ZNF865: variants seen among roughly 807,000 people sequenced by gnomAD.
ZNF865 encodes the protein zinc finger protein 865.
For synonymous variants in ZNF865, 763 were observed against 750.8 expected (o/e 1.02, Z -0.27); for missense variants, 1,311 against 1,593.4 (o/e 0.82, Z 3.02).
chr19:55,614,970 C>G lies in ZNF865; in HGVS notation c.1352C>G (p.Ser451Trp), dbSNP rs1298191435. 1 of 1,446,686 alleles carries G rather than the reference C, an allele frequency of 6.9e-7. No homozygotes were observed. The highest frequency in any genetic ancestry group is 2.9e-5 in the East Asian group (1 of 35,042). The allele number at this position is 1,446,686 out of a possible 1,614,324, so 89.6% of individuals were successfully genotyped here. Reference protein sequence around the residue: ...YPCDLCGKSYSAPQSLLRHKA... With the variant: ...YPCDLCGKSYWAPQSLLRHKA... ...TGCGACCTGTGCGGCAAGTCCTACT[C>G]GGCTCCGCAGAGCCTGCTCCGCCAC... Residue 451 changes from serine (S) to tryptophan (W), a missense_variant, in exon 2 of 2, where the codon TCG becomes TGG. By Grantham distance (177) the Ser-to-Trp change is radical. Transcript: ENST00000568956. This position sits in a 1 kb window ranked among gnomAD's most constrained non-coding sequence, Gnocchi z 8.0.
chr19:55,606,360 C>CG (rs1435422240), intron 1 of ZNF865, among the ~76,000 whole-genome samples: 1 of 152,174 alleles, frequency 6.6e-6, no homozygotes, highest in Non-Finnish European at 1.5e-5. Flanking sequence ...AAAGCCACCC[C>CG]CCCATCGCAG....
chr19:55,615,899 G>A lies in ZNF865; in HGVS notation c.2281G>A (p.Val761Met). ...NGLAGEVGAAVAALAGVSGGE... is the reference protein window; with the variant it reads ...NGLAGEVGAAMAALAGVSGGE... ...GCTGGCGGGGGAGGTGGGGGCGGCC[G>A]TGGCGGCACTGGCAGGGGTGTCTGG... Residue 761 changes from valine (V) to methionine (M), a missense_variant, in exon 2 of 2, where the codon GTG becomes ATG. By Grantham distance (21) the Val-to-Met change is conservative (BLOSUM62 1). Coordinates refer to ENST00000568956, the MANE Select transcript of ZNF865 (RefSeq NM_001195605.2). 3.4e-6 allele frequency: 5 copies of A among 1,474,792 alleles called. No homozygotes were observed. Among genetic ancestry groups the A allele is most frequent in the Non-Finnish European group, 4.5e-6 (5 of 1,120,770 alleles). The allele number at this position is 1,474,792 out of a possible 1,614,324, so 91.4% of individuals were successfully genotyped here.
At chr19:55,608,417 T>C (rs568775076) in intron 1 of ZNF865, among the ~76,000 whole-genome samples, 3 of 149,608 alleles carry the variant, frequency 2.0e-5, no homozygotes, top group Non-Finnish European at 3.0e-5. Flanking sequence ...CGGGTTCAAG[T>C]GATTCTCCTG....
rs1477188050 is a variant in ZNF865, at chr19:55,615,522, C to T, written c.1904C>T (p.Ala635Val). ...RQVHRLQLPC[A>V]LAGAAGLPST... ...GTGCACCGGCTCCAGCTGCCCTGCG[C>T]CCTGGCCGGGGCAGCCGGCCTCCCC... Residue 635 changes from alanine (A) to valine (V), a missense_variant, in exon 2 of 2, where the codon GCC becomes GTC. By Grantham distance (64) the Ala-to-Val change is moderately conservative. Transcript: ENST00000568956. 1.3e-6 allele frequency: 2 copies of T among 1,507,974 alleles called. No individual in the cohort carries two copies. Among genetic ancestry groups the T allele is most frequent in the Non-Finnish European group, 1.8e-6 (2 of 1,134,226 alleles). 93.4% of individuals were successfully genotyped at this position (1,507,974 alleles called of 1,614,324 possible). A position where few individuals can be genotyped will look rare whatever the true frequency, so the allele number is the denominator to read the frequency against.
At position 55,616,040 on chromosome 19, in the gene ZNF865, G is replaced by C; in HGVS notation, c.2422G>C (p.Val808Leu). 6.6e-7 allele frequency: 1 copy of C among 1,524,752 alleles called. No individual in the cohort carries two copies. The highest frequency in any genetic ancestry group is 8.8e-7 in the Non-Finnish European group (1 of 1,141,820). The allele number at this position is 1,524,752 out of a possible 1,614,324, so 94.5% of individuals were successfully genotyped here. A position where few individuals can be genotyped will look rare whatever the true frequency, so the allele number is the denominator to read the frequency against. The part of the protein sequence containing the change: ...GQSFKHFLGL[V>L]THKYVHLVRR... ...GAGTTTCAAGCACTTCCTGGGCCTC[G>C]TGACTCACAAGTACGTGCACCTGGT... is the stretch of plus-strand genomic sequence containing the variant. Residue 808 changes from valine to leucine, a missense_variant, in exon 2 of 2, where the codon GTG becomes CTG. Coordinates refer to ENST00000568956, the MANE Select transcript of ZNF865 (RefSeq NM_001195605.2).
Position 55,615,847 on chromosome 19 carries a change from G to A in ZNF865, c.2229G>A (p.Thr743=). Residue 743 remains threonine, a synonymous_variant, in exon 2 of 2, where the codon ACG becomes ACA. Coordinates refer to ENST00000568956, the MANE Select transcript of ZNF865 (RefSeq NM_001195605.2). The part of the protein sequence containing the change: ...GLQPPDGSSG[T]DAASVLDNGL... The stretch of plus-strand genomic sequence containing the variant: ...AGCCCCCGGACGGCTCCAGCGGCAC[G>A]GATGCGGCCAGCGTGCTGGACAACG... The A allele has an allele frequency of 6.7e-7, 1 of 1,496,400 alleles. No homozygotes were observed. The highest frequency in any genetic ancestry group is 8.8e-7 in the Non-Finnish European group (1 of 1,130,386). 92.7% of individuals were successfully genotyped at this position (1,496,400 alleles called of 1,614,324 possible). A position where few individuals can be genotyped will look rare whatever the true frequency, so the allele number is the denominator to read the frequency against.
Position 55,614,227 on chromosome 19 carries a change from C to T in ZNF865, c.609C>T (p.Cys203=), listed in dbSNP as rs1220928798. Residue 203 remains cysteine, a synonymous_variant, in exon 2 of 2, where the codon TGC becomes TGT. Transcript: ENST00000568956. This position sits in a 1 kb window ranked among gnomAD's most constrained non-coding sequence, Gnocchi z 8.0. Reference sequence around the variant, plus strand: ...CAGGACCCCCCGCGGCGGCGGCCTGCGACCCCACCAAGGACGACAAGGGCT... The same window carrying T: ...CAGGACCCCCCGCGGCGGCGGCCTGTGACCCCACCAAGGACGACAAGGGCT... ...TPPGPPAAAA[C]DPTKDDKGYF... is the part of the protein sequence containing the mutation. 9.3e-6 allele frequency: 14 copies of T among 1,509,312 alleles called. No individual in the cohort carries two copies. Among genetic ancestry groups the T allele is most frequent in the South Asian group, 3.7e-5 (3 of 81,522 alleles). The allele number at this position is 1,509,312 out of a possible 1,614,324, so 93.5% of individuals were successfully genotyped here.
At position 55,616,522 on chromosome 19, in the gene ZNF865, C is replaced by T. The variant is rs985490269; in HGVS notation, c.2904C>T (p.Gly968=). The change falls in exon 2 of 2, where the codon GGC becomes GGT. Residue 968 remains glycine (G), a synonymous_variant. Coordinates refer to ENST00000568956, the MANE Select transcript of ZNF865 (RefSeq NM_001195605.2). ...ACCGCTGTGAGCACTGCGGCAAGGG[C>T]TTCTTCTACCTGAGCTCCGTGCTGC... ...RAYRCEHCGK[G]FFYLSSVLRH... 2.0e-6 allele frequency: 3 copies of T among 1,534,612 alleles called. No homozygotes were observed. The highest frequency in any genetic ancestry group is 2.0e-5 in the Admixed American group (1 of 50,926).
chr19:55,615,804 C>T lies in ZNF865; in HGVS notation c.2186C>T (p.Pro729Leu), dbSNP rs1466207474. 7 of 1,511,822 alleles carry T rather than the reference C, an allele frequency of 4.6e-6. No individual in the cohort carries two copies. Among genetic ancestry groups the T allele is most frequent in the Non-Finnish European group, 4.4e-6 (5 of 1,136,170 alleles). The allele number at this position is 1,511,822 out of a possible 1,614,324, so 93.7% of individuals were successfully genotyped here. Residue 729 changes from proline to leucine, a missense_variant, in exon 2 of 2, where the codon CCC (proline) becomes CTC (leucine). Physicochemically the swap from Pro to Leu is moderately conservative, Grantham distance 98 (BLOSUM62 -3). Coordinates refer to ENST00000568956, the MANE Select transcript of ZNF865 (RefSeq NM_001195605.2). Reference sequence around the variant, plus strand: ...GCCGCCCCCGAGCGCCTGCTCCCGCCCGCACCCGGCGGCCTGCAGCCCCCG... The same window carrying T: ...GCCGCCCCCGAGCGCCTGCTCCCGCTCGCACCCGGCGGCCTGCAGCCCCCG... Reference protein sequence around the residue: ...HQAAPERLLPPAPGGLQPPDG... With the variant: ...HQAAPERLLPLAPGGLQPPDG...
Position 55,615,217 on chromosome 19 carries a change from G to A in ZNF865, c.1599G>A (p.Ala533=), listed in dbSNP as rs1981308773. Residue 533 remains alanine (A), a synonymous_variant, in exon 2 of 2, where the codon GCG becomes GCA. Transcript: ENST00000568956. Reference sequence around the variant, plus strand: ...CCCACCCGCTGCTGCTCGGCGGCGCGGGGACCAGCGGGGCGGGAGGCTCGG... The same window carrying A: ...CCCACCCGCTGCTGCTCGGCGGCGCAGGGACCAGCGGGGCGGGAGGCTCGG... ...LGAHPLLLGG[A]GTSGAGGSGA... 2.7e-6 allele frequency: 4 copies of A among 1,476,516 alleles called. No individual in the cohort carries two copies. Among genetic ancestry groups the A allele is most frequent in the Non-Finnish European group, 3.6e-6 (4 of 1,123,500 alleles). The allele number at this position is 1,476,516 out of a possible 1,614,324, so 91.5% of individuals were successfully genotyped here.
At position 55,611,007 on chromosome 19, in the gene ZNF865, A is replaced by G. The variant is rs1422310897; in HGVS notation, c.-26-2586A>G. Among the ~76,000 whole-genome samples the G allele has an allele frequency of 6.6e-6, 1 of 152,152 alleles. No individual in the cohort carries two copies. The highest frequency in any genetic ancestry group is 2.4e-5 in the African/African-American group (1 of 41,426). On this transcript the variant is annotated intron_variant, in intron 1 of 1. Transcript: ENST00000568956. The surrounding 1 kb of genome is among the most constrained non-coding windows in gnomAD (Gnocchi z 4.5). Reference sequence around the variant, plus strand: ...CCCTAAATAAAGCTCTTATCCTGATAGTTCTCCCCTCACCTTTGTTCACTC... The same window carrying G: ...CCCTAAATAAAGCTCTTATCCTGATGGTTCTCCCCTCACCTTTGTTCACTC...
At position 55,616,528 on chromosome 19, in the gene ZNF865, C is replaced by T. The variant is rs1408812122; in HGVS notation, c.2910C>T (p.Phe970=). 1 of 1,534,442 alleles carries T rather than the reference C, an allele frequency of 6.5e-7. No homozygotes were observed. Among genetic ancestry groups the T allele is most frequent in the East Asian group, 2.4e-5 (1 of 40,842 alleles). ...GTGAGCACTGCGGCAAGGGCTTCTT[C>T]TACCTGAGCTCCGTGCTGCGCCACC... ...YRCEHCGKGF[F]YLSSVLRHQR... The change falls in exon 2 of 2, where the codon TTC becomes TTT. Residue 970 remains phenylalanine, a synonymous_variant. Transcript: ENST00000568956.
rs74656875 is a variant in ZNF865, at chr19:55,609,978, C to A, written c.-26-3615C>A. ...ACCACTGATGTATCCCCTTCAGCAT[C>A]TCCACACCCTGCCCTCAGTGCCCTC... On this transcript the variant is annotated intron_variant, in intron 1 of 1. Transcript: ENST00000568956. Among the ~76,000 whole-genome samples the A allele has an allele frequency of 5.8e-3, 877 of 152,330 alleles. 9 individuals are homozygous for A. Among genetic ancestry groups the A allele is most frequent in the African/African-American group, 0.019 (799 of 41,570 alleles).
Position 55,614,920 on chromosome 19 carries a change from CG to C in ZNF865, c.1308del (p.Pro437LeufsTer129). On this transcript the variant is annotated frameshift_variant, in exon 2 of 2. Coordinates refer to ENST00000568956, the MANE Select transcript of ZNF865 (RefSeq NM_001195605.2). LOFTEE classifies it low-confidence loss of function (END_TRUNC). This position sits in a 1 kb window ranked among gnomAD's most constrained non-coding sequence, Gnocchi z 8.0. ...HQAAHAGAGA[G>X]GPRPVYPCDL... ...AGGCGGCCCACGCGGGGGCGGGCGC[CG>C]GGGGGCCTCGGCCCGTGTACCCCTG... 2.0e-6 allele frequency: 3 copies of C among 1,484,422 alleles called. No individual in the cohort carries two copies. The highest frequency in any genetic ancestry group is 5.0e-5 in the East Asian group (2 of 39,644). The allele number at this position is 1,484,422 out of a possible 1,614,324, so 92.0% of individuals were successfully genotyped here.
chr19:55,616,331 A>C lies in ZNF865; in HGVS notation c.2713A>C (p.Lys905Gln), dbSNP rs747414365. 3.9e-6 allele frequency: 6 copies of C among 1,521,412 alleles called. No individual in the cohort carries two copies. The South Asian group carries it at 7.3e-5, about 18-fold the overall frequency. 94.2% of individuals were successfully genotyped at this position (1,521,412 alleles called of 1,614,324 possible). The part of the protein sequence containing the change: ...RVVHTGERAF[K>Q]CGVCAKRFAQ... ...GGTGCACACTGGCGAGCGGGCCTTC[A>C]AGTGCGGCGTGTGCGCCAAGCGCTT... Residue 905 changes from lysine to glutamine, a missense_variant, in exon 2 of 2, where the codon AAG becomes CAG. Coordinates refer to ENST00000568956, the MANE Select transcript of ZNF865 (RefSeq NM_001195605.2).
In ZNF865 at chr19:55,614,551, G is replaced by A. The variant is rs1981273986; in HGVS notation, c.933G>A (p.Thr311=). ...CCGCCACCGCCGCCGCCCCCTCCAC[G>A]GTGTCCTCGGGCCCTCCAGCCACGC... is the stretch of plus-strand genomic sequence containing the variant. The part of the protein sequence containing the change: ...ASAATAAAPS[T]VSSGPPATPV... The change falls in exon 2 of 2, where the codon ACG becomes ACA. Residue 311 remains threonine (T), a synonymous_variant. Transcript: ENST00000568956. The surrounding 1 kb of genome is among the most constrained non-coding windows in gnomAD (Gnocchi z 8.0). 2 of 1,431,660 alleles carry A rather than the reference G, an allele frequency of 1.4e-6. No homozygotes were observed. The highest frequency in any genetic ancestry group is 2.8e-5 in the Admixed American group (1 of 35,674). 88.7% of individuals were successfully genotyped at this position (1,431,660 alleles called of 1,614,324 possible).
chr19:55,613,944 C>G lies in ZNF865; in HGVS notation c.326C>G (p.Ser109Trp), dbSNP rs1047026371. The G allele has an allele frequency of 6.5e-7, 1 of 1,532,950 alleles. No individual in the cohort carries two copies. The highest frequency in any genetic ancestry group is 8.7e-7 in the Non-Finnish European group (1 of 1,145,106). 95.0% of individuals were successfully genotyped at this position (1,532,950 alleles called of 1,614,324 possible). A position where few individuals can be genotyped will look rare whatever the true frequency, so the allele number is the denominator to read the frequency against. Residue 109 changes from serine (S) to tryptophan (W), a missense_variant, in exon 2 of 2, where the codon TCG becomes TGG. Physicochemically the swap from Ser to Trp is radical, Grantham distance 177. Transcript: ENST00000568956. The stretch of plus-strand genomic sequence containing the variant: ...TCCTCCTCCTCTTCGTCCTCCTCGT[C>G]GTCATCTTCGTCCTCTTCCTCTTCC... ...SSSSSSSSSS[S>W]SSSSSSSSQA...
rs1346185723 is a variant in ZNF865, at chr19:55,616,627, C to T, written c.3009C>T (p.Tyr1003=). 4 of 1,526,796 alleles carry T rather than the reference C, an allele frequency of 2.6e-6. No individual in the cohort carries two copies. The South Asian group carries it at 4.8e-5, about 18-fold the overall frequency. 94.6% of individuals were successfully genotyped at this position (1,526,796 alleles called of 1,614,324 possible). A position where few individuals can be genotyped will look rare whatever the true frequency, so the allele number is the denominator to read the frequency against. ...TCAAGGCCTTCAAGGATCCCGGCTA[C>T]TTCCGTAAGCACCTGGCTGCCCACC... ...ACLKAFKDPG[Y]FRKHLAAHQG... Residue 1003 remains tyrosine, a synonymous_variant, in exon 2 of 2, where the codon TAC becomes TAT. Transcript: ENST00000568956.
intron 1 of ZNF865, among the ~76,000 whole-genome samples, chr19:55,606,488 C>A (rs528279396): frequency 6.6e-6 from 1 of 152,334 alleles, no homozygotes; most frequent in East Asian, 1.9e-4. Flanking sequence ...TCTCACCCCA[C>A]CCTCATCGCG....
Sources: allele counts gnomAD v4.1 joint callset (sites outside exome capture counted in the v4.1 genomes callset), GRCh38; gene constraint gnomAD v4.1.1; non-coding constraint Gnocchi (gnomAD v3.1); transcripts MANE v1.5; gene names NCBI Gene and HGNC (gene_info 2026-07-23, HGNC 2026-07-21).